KEL: variants seen among roughly 807,000 people sequenced by gnomAD.
KEL encodes the protein kell blood group glycoprotein.
KEL carries 96 observed loss-of-function variants against 99.5 expected under a neutral mutation model. The observed-to-expected ratio is 0.97, with a 90% CI of 0.82 to 1.14. The LOEUF (loss-of-function observed/expected upper bound fraction) is 1.14. Among genes scored for constraint, KEL ranks in the 50% most tolerant of loss-of-function variants. KEL has a pLI of 0.00. For synonymous variants in KEL, 355 were observed against 354.8 expected, an observed-to-expected ratio of 1.00 and a Z score of -0.01; for missense variants, 926 against 924.2, an observed-to-expected ratio of 1.00 and a Z score of -0.03.
rs771072101 is a variant in KEL, at chr7:142,944,418, A to C, written c.1414-18T>G. On this transcript the variant is annotated intron_variant, in intron 12 of 18. Transcript: ENST00000355265. Reference sequence around the variant, plus strand: ...TGAGCAACCTGGAGAGAGACACAGAAGAGGCTAGGAATACTCTCCGAGTCT... The same window carrying C: ...TGAGCAACCTGGAGAGAGACACAGACGAGGCTAGGAATACTCTCCGAGTCT... The C allele has an allele frequency of 1.3e-5, 20 of 1,595,996 alleles. 1 individual carries two copies. The highest frequency in any genetic ancestry group is 6.9e-6 in the Non-Finnish European group (8 of 1,163,302).
At chr7:142,958,840 C>T (rs924096035) in intron 4 of KEL, among the ~76,000 whole-genome samples, 18 of 152,170 alleles carry the variant, frequency 1.2e-4, no homozygotes, top group African/African-American at 2.4e-4. Flanking sequence ...AAAAGAACTT[C>T]GGTCTCCGCA....
chr7:142,953,467 T>A (rs1433202309), intron 9 of KEL: 2 of 852,676 alleles, frequency 2.3e-6, no homozygotes, highest in Non-Finnish European at 2.8e-6. Context: ...CACTTAACTG[T>A]CTTCTGTGTC....
chr7:142,950,099 T>C (rs1047635825), intron 10 of KEL, among the ~76,000 whole-genome samples: 6 of 152,246 alleles, frequency 3.9e-5, no homozygotes, highest in African/African-American at 1.4e-4. Flanking sequence ...GGCCAAACTC[T>C]AGGTGATGTC....
intron 6 of KEL, among the ~76,000 whole-genome samples, chr7:142,956,917 T>C (rs983013225): frequency 2.0e-5 from 3 of 152,240 alleles, no homozygotes; most frequent in Admixed American, 2.0e-4. Context: ...TAGCATTACA[T>C]TGTTTAACCA....
intron 10 of KEL, among the ~76,000 whole-genome samples, chr7:142,947,089 C>T (rs1283039722): frequency 6.6e-6 from 1 of 152,128 alleles, no homozygotes; most frequent in Non-Finnish European, 1.5e-5. Flanking sequence ...TGGCGGTGGG[C>T]TTGCATGGCT....
rs1796941227 is a variant in KEL at position 142,960,991 on chromosome 7, C to T, written c.337G>A (p.Glu113Lys). The T allele has an allele frequency of 6.2e-7, 1 of 1,614,122 alleles. No homozygotes were observed. Among genetic ancestry groups the T allele is most frequent in the South Asian group, 1.1e-5 (1 of 91,090 alleles). ...FFSFACGRAK[E>K]TNNSFQELAT... is the part of the protein sequence containing the mutation. ...AGCTCCTGAAAAGAATTATTGGTCT[C>T]TTTGGCCCTTCCACAGGCAAAGCTG... Residue 113 changes from glutamate (E) to lysine (K), a missense_variant, in exon 4 of 19, where the codon GAG (glutamate) becomes AAG (lysine). By Grantham distance (56) the Glu-to-Lys change is moderately conservative. Transcript: ENST00000355265.
chr7:142,943,322 A>G lies in KEL; in HGVS notation c.1725T>C (p.Ala575=). Residue 575 remains alanine (A), a synonymous_variant, in exon 16 of 19, where the codon GCT becomes GCC. Coordinates refer to ENST00000355265, the MANE Select transcript of KEL (RefSeq NM_000420.3). ...ACAGCTCGTGGGCCATGATGCTGCCAGCAGCGCCAAAGTTCACGGCTCTAG... is the reference window on the plus strand; with the variant it reads ...ACAGCTCGTGGGCCATGATGCTGCCGGCAGCGCCAAAGTTCACGGCTCTAG... The part of the protein sequence containing the change: ...GYPRAVNFGA[A]GSIMAHELLH... The G allele has an allele frequency of 6.2e-7, 1 of 1,614,142 alleles. No individual in the cohort carries two copies. The highest frequency in any genetic ancestry group is 1.1e-5 in the South Asian group (1 of 91,056).
In KEL at chr7:142,941,171, GA is replaced by G; in HGVS notation, c.*80del. 6.7e-7 allele frequency: 1 copy of G among 1,486,048 alleles called. No homozygotes were observed. The highest frequency in any genetic ancestry group is 9.4e-7 in the Non-Finnish European group (1 of 1,064,410). 92.1% of individuals were successfully genotyped at this position (1,486,048 alleles called of 1,614,324 possible). A position where few individuals can be genotyped will look rare whatever the true frequency, so the allele number is the denominator to read the frequency against. ...TTATTTTTGGAACAGAAGCAGAAAGGAAATCTTGCTCTGATTCCATGGATGT... is the reference window on the plus strand; with the variant it reads ...TTATTTTTGGAACAGAAGCAGAAAGGAATCTTGCTCTGATTCCATGGATGT... On this transcript the variant is annotated 3_prime_UTR_variant, in exon 19 of 19. Transcript: ENST00000355265.
At chr7:142,953,025 C>T (rs528465564) in intron 9 of KEL, among the ~76,000 whole-genome samples, 9 of 152,266 alleles carry the variant, frequency 5.9e-5, no homozygotes, top group Admixed American at 5.9e-4. Flanking sequence ...ACCAGCAATG[C>T]TCCTGCCAGG....
chr7:142,948,517 T>G (rs1796591707), intron 10 of KEL, among the ~76,000 whole-genome samples: 1 of 152,118 alleles, frequency 6.6e-6, no homozygotes, highest in South Asian at 2.1e-4. Flanking sequence ...AAAGGAAATT[T>G]TAGGGATTAC....
Position 142,942,874 on chromosome 7 carries a change from C to G in KEL, c.1941+1G>C, listed in dbSNP as rs750172557. ...AACTGTGGCCCTTGACACTTGCATA[C>G]CTGCAGCGCGATGGCTAGCCCCCCA... On this transcript the variant is annotated splice_donor_variant, in intron 17 of 18. Coordinates refer to ENST00000355265, the MANE Select transcript of KEL (RefSeq NM_000420.3). LOFTEE classifies it high-confidence loss of function. 1 of 1,614,182 alleles carries G rather than the reference C, an allele frequency of 6.2e-7. No individual in the cohort carries two copies. The highest frequency in any genetic ancestry group is 1.1e-5 in the South Asian group (1 of 91,082).
rs2116671352 is a variant in KEL at position 142,954,390 on chromosome 7, C to CAGTCACAG, written c.736-26_736-19dup. On this transcript the variant is annotated intron_variant, in intron 7 of 18. Transcript: ENST00000355265. The stretch of plus-strand genomic sequence containing the variant: ...CGAAAGATCTGGAGGAAGGAAATGT[C>CAGTCACAG]AGTCACAGGTGCCAGAGGTCCCTGC... The CAGTCACAG allele has an allele frequency of 6.2e-7, 1 of 1,613,980 alleles. No homozygotes were observed. Among genetic ancestry groups the CAGTCACAG allele is most frequent in the East Asian group, 2.2e-5 (1 of 44,868 alleles).
At chr7:142,957,541 T>C (rs1796855274) in intron 6 of KEL, among the ~76,000 whole-genome samples, 1 of 152,132 alleles carries the variant, frequency 6.6e-6, no homozygotes, top group South Asian at 2.1e-4. Context: ...ATGAGGGCAA[T>C]CCTAGAGATA....
intron 15 of KEL, 30 bp downstream of exon 15, chr7:142,943,456 C>T (rs1362872289): frequency 5.6e-6 from 9 of 1,608,276 alleles, no homozygotes; most frequent in South Asian, 2.2e-5. Flanking sequence ...TTGGGAAACT[C>T]CCTACCTACC....
intron 2 of KEL, 41 bp downstream of exon 2, chr7:142,961,754 A>G (rs1328144878): frequency 6.6e-7 from 1 of 1,523,770 alleles, no homozygotes; most frequent in East Asian, 2.3e-5. Flanking sequence ...CGAGAGTGAC[A>G]ACATCAGTGT....
In KEL at chr7:142,961,359, C is replaced by A. The variant is rs369569464; in HGVS notation, c.223+1G>T. On this transcript the variant is annotated splice_donor_variant, in intron 3 of 18. Transcript: ENST00000355265. LOFTEE classifies it high-confidence loss of function. ...GTTAGGGGGTCTGGGATCTTGCTTA[C>A]GAGGGCCACAGTTCTGGAAGTTGTA... is the stretch of plus-strand genomic sequence containing the variant. 1 of 1,613,098 alleles carries A rather than the reference C, an allele frequency of 6.2e-7. No individual in the cohort carries two copies. The highest frequency in any genetic ancestry group is 8.5e-7 in the Non-Finnish European group (1 of 1,180,030).
At chr7:142,958,025 C>A in intron 5 of KEL, 52 bp from the exon 6 acceptor site, 2 of 1,594,676 alleles carry the variant, frequency 1.3e-6, no homozygotes, top group African/African-American at 1.3e-5. Flanking sequence ...AGCCCATCCC[C>A]CATTGTCTGG....
In KEL at chr7:142,941,132, C is replaced by T. The variant is rs1796340356; in HGVS notation, c.*120G>A. On this transcript the variant is annotated 3_prime_UTR_variant, in exon 19 of 19. Transcript: ENST00000355265. ...CAAGTCATTAAGAGACAAGCGGAAG[C>T]CAAGTGCCAGCTTTTATTTTTGGAA... The T allele has an allele frequency of 9.0e-7, 1 of 1,111,152 alleles. No homozygotes were observed. Among genetic ancestry groups the T allele is most frequent in the Admixed American group, 1.9e-5 (1 of 53,096 alleles). 68.8% of individuals were successfully genotyped at this position (1,111,152 alleles called of 1,614,324 possible). A position where few individuals can be genotyped will look rare whatever the true frequency, so the allele number is the denominator to read the frequency against.
chr7:142,954,189 G>T lies in KEL; in HGVS notation c.919C>A (p.Leu307Ile). ...KLFQMVTIDQ[L>I]KEMAPAIDWL... ...TGGCCCCCAGTTCCAGGCACCTTGA[G>T]CTGGTCGATAGTGACCATCTGGAAG... The change falls in exon 8 of 19, where the codon CTC becomes ATC. Residue 307 changes from leucine (L) to isoleucine (I), a missense_variant. Physicochemically the swap from Leu to Ile is conservative, Grantham distance 5. Transcript: ENST00000355265. 6.2e-7 allele frequency: 1 copy of T among 1,609,560 alleles called. No homozygotes were observed. Among genetic ancestry groups the T allele is most frequent in the South Asian group, 1.1e-5 (1 of 91,076 alleles).
Sources: allele counts gnomAD v4.1 joint callset (sites outside exome capture counted in the v4.1 genomes callset), GRCh38; gene constraint gnomAD v4.1.1; transcripts MANE v1.5; gene names NCBI Gene and HGNC (gene_info 2026-07-23, HGNC 2026-07-21).